DOCK4: variants seen among roughly 807,000 people sequenced by gnomAD.
The protein encoded by DOCK4 is dedicator of cytokinesis protein 4.
In DOCK4, 97 loss-of-function variants were observed where a neutral mutation model predicts 268.1. The observed-to-expected ratio is 0.36, with a 90% CI of 0.31 to 0.43. The LOEUF (loss-of-function observed/expected upper bound fraction) is 0.43, where lower values mean the gene tolerates loss of function less well. DOCK4 is among the 20% of genes least tolerant of loss of function. The pLI is 1.00. For synonymous variants in DOCK4, 954 were observed against 887.2 expected (o/e 1.08, Z -1.34); for missense variants, 2,145 against 2,455.7 (o/e 0.87, Z 2.67).
chr7:111,737,798 A>T (rs1795608016), intron 49 of DOCK4, among the ~76,000 whole-genome samples: 2 of 152,248 alleles, frequency 1.3e-5, no homozygotes, highest in Admixed American at 6.5e-5. Context: ...CATGCTGACA[A>T]GAAGTTCTCC....
At chr7:112,145,166 A>C (rs1815346345) in intron 1 of DOCK4, among the ~76,000 whole-genome samples, 2 of 152,168 alleles carry the variant, frequency 1.3e-5, no homozygotes. Context: ...AGCAAGCATC[A>C]GGCAAGCACC....
chr7:112,174,217 A>G (rs930513935), intron 1 of DOCK4, among the ~76,000 whole-genome samples: 3 of 152,174 alleles, frequency 2.0e-5, no homozygotes, highest in African/African-American at 7.2e-5. Flanking sequence ...AACCTGAGGT[A>G]GCTCCTATCA....
At chr7:111,881,495 C>A (rs1045940131) in intron 16 of DOCK4, among the ~76,000 whole-genome samples, 1 of 152,096 alleles carries the variant, frequency 6.6e-6, no homozygotes, top group Non-Finnish European at 1.5e-5. Context: ...TTAGTATAAC[C>A]ACTATGGAGA....
chr7:111,773,258 G>A (rs1342978032), intron 36 of DOCK4, among the ~76,000 whole-genome samples: 1 of 152,158 alleles, frequency 6.6e-6, no homozygotes, highest in Non-Finnish European at 1.5e-5. Flanking sequence ...ATCCTAGAAA[G>A]ATAGAAAAGT....
intron 12 of DOCK4, among the ~76,000 whole-genome samples, chr7:111,919,091 A>G (rs1006739488): frequency 6.6e-6 from 1 of 152,186 alleles, no homozygotes; most frequent in African/African-American, 2.4e-5. Flanking sequence ...CATTCATTTA[A>G]CCAGCAGCGA....
intron 15 of DOCK4, among the ~76,000 whole-genome samples, chr7:111,898,758 G>T (rs1312214499): frequency 6.6e-6 from 1 of 152,008 alleles, no homozygotes; most frequent in Admixed American, 6.6e-5. Context: ...TTTACATTTT[G>T]CTGTTTCTTC....
At chr7:112,003,549 T>G (rs890429071) in intron 2 of DOCK4, among the ~76,000 whole-genome samples, 3 of 152,214 alleles carry the variant, frequency 2.0e-5, no homozygotes, top group African/African-American at 7.2e-5. Context: ...TCATACAAAG[T>G]CAGACAATAT....
chr7:111,929,423 C>G (rs1011883093), intron 12 of DOCK4, among the ~76,000 whole-genome samples: 1 of 151,920 alleles, frequency 6.6e-6, no homozygotes, highest in Non-Finnish European at 1.5e-5. Flanking sequence ...TTAGGAAACT[C>G]CAAAAGTCAG....
intron 1 of DOCK4, among the ~76,000 whole-genome samples, chr7:112,066,690 CAT>C (rs751631282): frequency 0.013 from 265 of 20,864 alleles, no homozygotes; most frequent in South Asian, 0.032. Context: ...TATACATATA[CAT>C]ATATATATAT....
chr7:112,061,739 TCACACACACACA>T (rs61696712), intron 1 of DOCK4, among the ~76,000 whole-genome samples: 57 of 137,220 alleles, frequency 4.2e-4, no homozygotes, highest in South Asian at 2.5e-3. Context: ...ATTAACAATG[TCACACACACACA>T]CACACACACA....
intron 1 of DOCK4, among the ~76,000 whole-genome samples, chr7:112,145,654 G>A (rs1225158715): frequency 2.0e-5 from 3 of 151,994 alleles, no homozygotes; most frequent in East Asian, 3.9e-4. Context: ...TTCCTTTAAC[G>A]CACACCAAAT....
intron 1 of DOCK4, among the ~76,000 whole-genome samples, chr7:112,030,974 C>T (rs997765242): frequency 6.6e-6 from 1 of 152,232 alleles, no homozygotes; most frequent in African/African-American, 2.4e-5. Context: ...TCCATGTTCT[C>T]TCGTGATTTG....
At chr7:112,195,905 A>T (rs1050704994) in intron 1 of DOCK4, among the ~76,000 whole-genome samples, 3 of 152,188 alleles carry the variant, frequency 2.0e-5, no homozygotes, top group Non-Finnish European at 4.4e-5. Flanking sequence ...GTTCTCACCA[A>T]CCACCCTCCC....
At chr7:111,804,308 A>G (rs182998610) in intron 30 of DOCK4, among the ~76,000 whole-genome samples, 1 of 152,356 alleles carries the variant, frequency 6.6e-6, no homozygotes, top group African/African-American at 2.4e-5. Context: ...CTTGAGGACA[A>G]TCTGTTAAGC....
At chr7:111,809,090 A>T (rs1204305496) in intron 29 of DOCK4, among the ~76,000 whole-genome samples, 1 of 152,228 alleles carries the variant, frequency 6.6e-6, no homozygotes, top group East Asian at 1.9e-4. Context: ...TTGCATCTAT[A>T]GAAATTTTGA....
chr7:111,938,055 T>A (rs1452757353), intron 11 of DOCK4, among the ~76,000 whole-genome samples: 20 of 152,212 alleles, frequency 1.3e-4, no homozygotes, highest in Admixed American at 1.3e-3. Context: ...AAGAAGGGTA[T>A]CATGGATTTA....
rs142318286 is a variant in DOCK4, at chr7:112,046,330, T to C, written c.38-42199A>G. ...TTCATTTGTTCTGCCTTGAATCATT[T>C]AAGAAAATTCAGACAATTGAAAAAA... On this transcript the variant is annotated intron_variant, in intron 1 of 52. Transcript: ENST00000428084. 4.1e-4 allele frequency among the ~76,000 whole-genome samples: 63 copies of C among 152,314 alleles called. 2 individuals carry two copies. The highest frequency in any genetic ancestry group is 1.5e-3 in the African/African-American group (62 of 41,576).
chr7:112,049,125 TA>T (rs1397819257), intron 1 of DOCK4, among the ~76,000 whole-genome samples: 2 of 152,202 alleles, frequency 1.3e-5, no homozygotes, highest in African/African-American at 2.4e-5. Context: ...CATGGGTAAA[TA>T]TTTTTTTTTG....
At chr7:112,192,284 GA>G (rs1347839084) in intron 1 of DOCK4, among the ~76,000 whole-genome samples, 3 of 151,852 alleles carry the variant, frequency 2.0e-5, no homozygotes, top group Non-Finnish European at 4.4e-5. Flanking sequence ...AGGGGGAGGG[GA>G]GGGGGAGGAG....
Sources: allele counts gnomAD v4.1 joint callset (sites outside exome capture counted in the v4.1 genomes callset), GRCh38; gene constraint gnomAD v4.1.1; transcripts MANE v1.5; gene names NCBI Gene and HGNC (gene_info 2026-07-23, HGNC 2026-07-21).